MEMO1: variants seen among roughly 807,000 people sequenced by gnomAD.
MEMO1 encodes protein MEMO1.
In MEMO1, 6 loss-of-function variants were observed where a neutral mutation model predicts 45.2. The observed-to-expected ratio is 0.13, with a 90% CI of 0.07 to 0.26. MEMO1 has a LOEUF of 0.26. Among genes scored for constraint, MEMO1 ranks in the 10% least tolerant of loss-of-function variants. The pLI, the probability that MEMO1 is intolerant of heterozygous loss-of-function variation, is 1.00. For missense variants in MEMO1, 184 were observed against 370.5 expected (o/e 0.50, Z 4.13); for synonymous variants, 78 against 124.3 (o/e 0.63, Z 2.48).
chr2:31,898,928 G>GCT (rs569602024), intron 6 of MEMO1, among the ~76,000 whole-genome samples: 185 of 152,278 alleles, frequency 1.2e-3, no homozygotes, highest in African/African-American at 4.1e-3. Flanking sequence ...AGGACAGTTA[G>GCT]CTCTTCTTGT....
At chr2:31,893,384 A>T (rs1168019448) in intron 6 of MEMO1, 8 of 1,085,550 alleles carry the variant, frequency 7.4e-6, no homozygotes, top group Non-Finnish European at 8.0e-6. Context: ...TCTTTCTCTA[A>T]CTGTTACCAG....
chr2:31,946,386 A>C (rs1328189495), intron 2 of MEMO1, among the ~76,000 whole-genome samples: 2 of 151,626 alleles, frequency 1.3e-5, no homozygotes, highest in African/African-American at 4.8e-5. Flanking sequence ...CCCAAAGTAC[A>C]AAAAAAAAGT....
At chr2:31,933,348 AATTTATATAT>A (rs1664489447) in intron 3 of MEMO1, among the ~76,000 whole-genome samples, 1 of 16,186 alleles carries the variant, frequency 6.2e-5, no homozygotes, top group African/African-American at 2.4e-4. Flanking sequence ...AAAAAAAAAA[AATTTATATAT>A]ATATATATAT....
intron 4 of MEMO1, among the ~76,000 whole-genome samples, chr2:31,923,887 T>C (rs1682699976): frequency 6.6e-6 from 1 of 152,172 alleles, no homozygotes; most frequent in Admixed American, 6.5e-5. Context: ...GCTGGAAGCC[T>C]AATTAACTCT....
At chr2:31,909,713 C>T (rs953464038) in intron 6 of MEMO1, among the ~76,000 whole-genome samples, 1 of 151,970 alleles carries the variant, frequency 6.6e-6, no homozygotes, top group Non-Finnish European at 1.5e-5. Flanking sequence ...TTTAATGAAA[C>T]CCCTATCAAA....
intron 4 of MEMO1, among the ~76,000 whole-genome samples, chr2:31,925,509 G>A (rs919354990): frequency 7.3e-5 from 9 of 123,974 alleles, no homozygotes; most frequent in Admixed American, 2.6e-4. Context: ...ATCTGTTCCC[G>A]GAGATACTTT....
chr2:31,978,695 C>T (rs1670296381), intron 2 of MEMO1, among the ~76,000 whole-genome samples: 1 of 152,210 alleles, frequency 6.6e-6, no homozygotes, highest in Admixed American at 6.5e-5. Flanking sequence ...GCTGGGGCTG[C>T]AGGCTTAAGC....
chr2:31,997,748 T>A (rs1261149616), intron 2 of MEMO1, among the ~76,000 whole-genome samples: 3 of 152,152 alleles, frequency 2.0e-5, no homozygotes, highest in Non-Finnish European at 4.4e-5. Flanking sequence ...TAAGACCTTG[T>A]AAGTTGTGGT....
chr2:31,896,816 T>C (rs570088591), intron 6 of MEMO1, among the ~76,000 whole-genome samples: 1 of 152,204 alleles, frequency 6.6e-6, no homozygotes, highest in African/African-American at 2.4e-5. Flanking sequence ...AAACAACAAA[T>C]TACCAAAATA....
At chr2:31,995,789 G>C (rs1024518721) in intron 2 of MEMO1, among the ~76,000 whole-genome samples, 1 of 151,946 alleles carries the variant, frequency 6.6e-6, no homozygotes, top group Admixed American at 6.6e-5. Context: ...AAGAATCACA[G>C]TAAGCCCCAA....
intron 2 of MEMO1, among the ~76,000 whole-genome samples, chr2:31,945,396 G>A (rs1192776989): frequency 2.0e-5 from 3 of 152,104 alleles, no homozygotes; most frequent in Admixed American, 2.0e-4. Flanking sequence ...GAATCAGAGG[G>A]TGTACTCTTC....
At chr2:32,001,976 T>C (rs1313366564) in intron 2 of MEMO1, among the ~76,000 whole-genome samples, 1 of 151,412 alleles carries the variant, frequency 6.6e-6, no homozygotes, top group East Asian at 1.9e-4. Context: ...TGAAACCCCG[T>C]CTCTACTAAA....
At position 31,906,354 on chromosome 2, in the gene MEMO1, C is replaced by T. The variant is rs139068733; in HGVS notation, c.437+11572G>A. Among the ~76,000 whole-genome samples, 578 of 151,340 alleles carry T rather than the reference C, an allele frequency of 3.8e-3. 3 individuals carry two copies. Among genetic ancestry groups the T allele is most frequent in the Non-Finnish European group, 5.4e-3 (365 of 67,876 alleles). ...TTTTGTTTTTTTTGAGATAGAGTCT[C>T]GCCCTGTCGCCCAGGCTGGAGTGCA... On this transcript the variant is annotated intron_variant, in intron 6 of 9. Transcript: ENST00000404530.
At chr2:31,874,387 AT>A (rs1273963796) in intron 8 of MEMO1, among the ~76,000 whole-genome samples, 1 of 152,098 alleles carries the variant, frequency 6.6e-6, no homozygotes, top group Non-Finnish European at 1.5e-5. Context: ...TAGATATCCT[AT>A]GCTACAGTTA....
At position 31,951,386 on chromosome 2, in the gene MEMO1, T is replaced by A. The variant is rs115701270; in HGVS notation, c.62-8003A>T. ...TATGAAAACCCCACTCACTATGATG[T>A]TCTGATATTCTTAATTTCAATGCAG... On this transcript the variant is annotated intron_variant, in intron 2 of 9. Transcript: ENST00000404530. Among the ~76,000 whole-genome samples, 680 of 152,334 alleles carry A rather than the reference T, an allele frequency of 4.5e-3. 9 individuals are homozygous for A. The highest frequency in any genetic ancestry group is 0.016 in the African/African-American group (669 of 41,576).
intron 5 of MEMO1, among the ~76,000 whole-genome samples, chr2:31,918,937 A>C (rs1245804091): frequency 1.3e-5 from 2 of 152,038 alleles, no homozygotes; most frequent in Non-Finnish European, 2.9e-5. Flanking sequence ...CAAGGTTTTA[A>C]AAGTAAAATG....
intron 2 of MEMO1, among the ~76,000 whole-genome samples, chr2:31,958,779 G>A (rs1034897667): frequency 2.6e-5 from 4 of 152,218 alleles, no homozygotes; most frequent in Admixed American, 2.6e-4. Flanking sequence ...AGCCTCCTGA[G>A]TAGCTGGGAC....
intron 8 of MEMO1, among the ~76,000 whole-genome samples, chr2:31,878,058 GA>G (rs769671510): frequency 1.3e-5 from 2 of 152,146 alleles, no homozygotes; most frequent in Non-Finnish European, 2.9e-5. Context: ...GGTGGACTGG[GA>G]ATGCTGCAAG....
intron 2 of MEMO1, among the ~76,000 whole-genome samples, chr2:31,984,307 G>A (rs991477809): frequency 2.0e-5 from 3 of 152,030 alleles, no homozygotes; most frequent in South Asian, 2.1e-4. Context: ...CCCAAAACCC[G>A]TAACTCCAAT....
Sources: gnomAD v4.1 joint callset for allele counts (sites outside exome capture counted in the v4.1 genomes callset) on GRCh38, gnomAD v4.1.1 for gene constraint, MANE v1.5 for transcripts, NCBI Gene and HGNC (gene_info 2026-07-23, HGNC 2026-07-21) for gene names.